SGCZ: variants seen among roughly 807,000 people sequenced by gnomAD.
SGCZ encodes zeta-sarcoglycan.
Under a neutral mutation model 41.3 loss-of-function variants are expected in SGCZ, and 40 were observed. That is an observed-to-expected ratio of 0.97 (90% CI 0.75 to 1.26). SGCZ has a LOEUF of 1.26. Ranked by LOEUF, SGCZ falls within the 50% of genes most tolerant of loss-of-function variation. SGCZ has a pLI of 0.00. For missense variants in SGCZ, 552 were observed against 369.8 expected (o/e 1.49, Z -4.04); for synonymous variants, 206 against 137.5 (o/e 1.50, Z -3.49).
intron 3 of SGCZ, among the ~76,000 whole-genome samples, chr8:14,279,646 T>C (rs1190471098): frequency 6.6e-6 from 1 of 152,076 alleles, no homozygotes; most frequent in East Asian, 1.9e-4. Context: ...GTGATGGATA[T>C]AGCTTCTTTG....
At chr8:14,840,876 T>C (rs1802880914) in intron 1 of SGCZ, among the ~76,000 whole-genome samples, 1 of 152,104 alleles carries the variant, frequency 6.6e-6, no homozygotes, top group African/African-American at 2.4e-5. Context: ...TTTATTTACA[T>C]AGCAAAATAG....
chr8:14,861,493 T>G (rs1803745353), intron 1 of SGCZ, among the ~76,000 whole-genome samples: 1 of 152,162 alleles, frequency 6.6e-6, no homozygotes, highest in Admixed American at 6.6e-5. Flanking sequence ...TATTAATACA[T>G]GATCTTATTA....
At chr8:15,203,778 A>T (rs1185755434) in intron 1 of SGCZ, among the ~76,000 whole-genome samples, 1 of 152,240 alleles carries the variant, frequency 6.6e-6, no homozygotes, top group Admixed American at 6.5e-5. Flanking sequence ...CTCCTTGTCC[A>T]TCAAAGGAAA....
intron 1 of SGCZ, among the ~76,000 whole-genome samples, chr8:14,958,217 A>C (rs970025576): frequency 4.6e-5 from 7 of 152,008 alleles, no homozygotes; most frequent in Non-Finnish European, 8.8e-5. Flanking sequence ...CTGATGAGTA[A>C]AAAAGGGACC....
At chr8:14,590,831 T>G (rs1194663258) in intron 1 of SGCZ, among the ~76,000 whole-genome samples, 3 of 148,320 alleles carry the variant, frequency 2.0e-5, no homozygotes, top group African/African-American at 7.3e-5. Flanking sequence ...ATATCATGAA[T>G]ATGTATTCAT....
At chr8:14,619,420 A>G (rs374224968) in intron 1 of SGCZ, among the ~76,000 whole-genome samples, 2 of 151,834 alleles carry the variant, frequency 1.3e-5, no homozygotes, top group Non-Finnish European at 2.9e-5. Context: ...ATTCAACATA[A>G]TGTTGGAAGT....
chr8:15,150,005 C>T (rs1240772712), intron 1 of SGCZ, among the ~76,000 whole-genome samples: 1 of 152,136 alleles, frequency 6.6e-6, no homozygotes, highest in Non-Finnish European at 1.5e-5. Context: ...AAAAAATCTG[C>T]AGTGTGTCTG....
At chr8:14,697,004 G>A (rs2055856) in intron 1 of SGCZ, among the ~76,000 whole-genome samples, 3 of 151,808 alleles carry the variant, frequency 2.0e-5, no homozygotes, top group Non-Finnish European at 4.4e-5. Context: ...GCTTAGCACA[G>A]TCTTACATTA....
At chr8:15,060,507 C>T (rs1468046597) in intron 1 of SGCZ, among the ~76,000 whole-genome samples, 7 of 97,834 alleles carry the variant, frequency 7.2e-5, no homozygotes, top group African/African-American at 1.3e-4. Flanking sequence ...CATGACACAC[C>T]GGGGCCTGTT....
intron 1 of SGCZ, among the ~76,000 whole-genome samples, chr8:14,986,889 A>T (rs915579821): frequency 1.3e-5 from 2 of 152,020 alleles, no homozygotes; most frequent in African/African-American, 2.4e-5. Flanking sequence ...TTTGTTATAA[A>T]TACTCAGTAA....
At chr8:14,178,250 G>T (rs1200337165) in intron 4 of SGCZ, among the ~76,000 whole-genome samples, 1 of 152,014 alleles carries the variant, frequency 6.6e-6, no homozygotes, top group Non-Finnish European at 1.5e-5. Flanking sequence ...CACCACACCT[G>T]GCTGATTTTG....
intron 5 of SGCZ, among the ~76,000 whole-genome samples, chr8:14,140,196 C>G (rs1425819619): frequency 6.6e-6 from 1 of 152,154 alleles, no homozygotes; most frequent in East Asian, 1.9e-4. Context: ...CTATTTATGA[C>G]AAACCCATAG....
chr8:14,482,592 C>T (rs1404334109), intron 2 of SGCZ, among the ~76,000 whole-genome samples: 1 of 152,090 alleles, frequency 6.6e-6, no homozygotes, highest in Non-Finnish European at 1.5e-5. Context: ...GACTGGGTTA[C>T]AGGATGCCCA....
intron 3 of SGCZ, among the ~76,000 whole-genome samples, chr8:14,262,401 G>A (rs536304616): frequency 2.6e-5 from 4 of 151,962 alleles, no homozygotes; most frequent in Admixed American, 2.6e-4. Context: ...GTATACACTG[G>A]CCATAGAGAT....
chr8:14,669,976 T>G (rs546648695), intron 1 of SGCZ, among the ~76,000 whole-genome samples: 1 of 152,342 alleles, frequency 6.6e-6, no homozygotes, highest in South Asian at 2.1e-4. Flanking sequence ...AATTACTTAT[T>G]AAACAGCATA....
intron 1 of SGCZ, among the ~76,000 whole-genome samples, chr8:14,803,501 G>A (rs944328864): frequency 5.9e-5 from 9 of 152,010 alleles, no homozygotes; most frequent in Admixed American, 2.0e-4. Context: ...ACTCCCACCC[G>A]AATACCGCGC....
At chr8:14,979,220 T>A (rs1265583157) in intron 1 of SGCZ, among the ~76,000 whole-genome samples, 2 of 152,148 alleles carry the variant, frequency 1.3e-5, no homozygotes, top group African/African-American at 2.4e-5. Flanking sequence ...TCAGGTAACA[T>A]CAAAAACAAA....
At chr8:14,113,294 T>A (rs1016328503) in intron 5 of SGCZ, among the ~76,000 whole-genome samples, 18 of 152,256 alleles carry the variant, frequency 1.2e-4, no homozygotes, top group African/African-American at 3.8e-4. Context: ...TCCCACCTCT[T>A]AAGGCATATG....
intron 2 of SGCZ, among the ~76,000 whole-genome samples, chr8:14,546,657 G>T (rs1803637700): frequency 6.6e-6 from 1 of 151,992 alleles, no homozygotes; most frequent in African/African-American, 2.4e-5. Context: ...AAGTTTGAGG[G>T]TATTAAGATA....
Sources: gnomAD v4.1 joint callset for allele counts (sites outside exome capture counted in the v4.1 genomes callset) on GRCh38, gnomAD v4.1.1 for gene constraint, MANE v1.5 for transcripts, NCBI Gene and HGNC (gene_info 2026-07-23, HGNC 2026-07-21) for gene names.